Variants in CHD6 observed in about 807,000 individuals in gnomAD.
The protein encoded by CHD6 is ATP-dependent chromatin remodeler CHD6.
A neutral mutation model predicts 276.9 loss-of-function variants in CHD6; 50 were observed. That is an observed-to-expected ratio of 0.18 (90% CI 0.14 to 0.23). The LOEUF (loss-of-function observed/expected upper bound fraction) is 0.23, where lower values mean the gene tolerates loss of function less well. Among genes scored for constraint, CHD6 ranks in the 10% least tolerant of loss-of-function variants. The pLI is 1.00. For missense variants in CHD6, 2,564 were observed against 3,365.8 expected, an observed-to-expected ratio of 0.76 and a Z score of 5.89; for synonymous variants, 1,173 against 1,229.3, an observed-to-expected ratio of 0.95 and a Z score of 0.96.
chr20:41,514,375 G>C (rs1328431848), intron 4 of CHD6, among the ~76,000 whole-genome samples: 1 of 152,092 alleles, frequency 6.6e-6, no homozygotes, highest in African/African-American at 2.4e-5. Flanking sequence ...TCCAAGTTTG[G>C]CCAAACCTTC....
rs1024315774 is a variant in CHD6 at position 41,402,649 on chromosome 20, C to G, written c.*1944G>C. Reference sequence around the variant, plus strand: ...ATTTAGGGCAAATACATTTTTTTTTCTACTTGATAAAAAGAAAATTAGTAC... The same window carrying G: ...ATTTAGGGCAAATACATTTTTTTTTGTACTTGATAAAAAGAAAATTAGTAC... On this transcript the variant is annotated 3_prime_UTR_variant, in exon 37 of 37. Transcript: ENST00000373233. The G allele has an allele frequency of 4.6e-6, 1 of 218,680 alleles. No individual in the cohort carries two copies. Among genetic ancestry groups the G allele is most frequent in the African/African-American group, 2.3e-5 (1 of 44,334 alleles). 13.5% of individuals were successfully genotyped at this position (218,680 alleles called of 1,614,324 possible). A position where few individuals can be genotyped will look rare whatever the true frequency, so the allele number is the denominator to read the frequency against.
chr20:41,540,820 C>T (rs573767123), intron 2 of CHD6, among the ~76,000 whole-genome samples: 2 of 152,196 alleles, frequency 1.3e-5, no homozygotes, highest in East Asian at 1.9e-4. Context: ...AATTTGCAAC[C>T]TTCTATGTTT....
At chr20:41,540,918 T>C (rs2044929014) in intron 2 of CHD6, among the ~76,000 whole-genome samples, 1 of 152,138 alleles carries the variant, frequency 6.6e-6, no homozygotes, top group Non-Finnish European at 1.5e-5. Flanking sequence ...ACATTTCAGG[T>C]AGCTAAAGTT....
At chr20:41,407,397 A>G (rs1226189376) in intron 36 of CHD6, among the ~76,000 whole-genome samples, 1 of 152,206 alleles carries the variant, frequency 6.6e-6, no homozygotes, top group Non-Finnish European at 1.5e-5. Context: ...AATGACCAGA[A>G]AAACCCCACA....
chr20:41,453,035 A>G (rs1368461853), intron 20 of CHD6, 93 bp from the exon 21 acceptor site: 1 of 992,232 alleles, frequency 1.0e-6, no homozygotes, highest in African/African-American at 1.6e-5. Flanking sequence ...TTTGGGATAG[A>G]ACCATGCCCC....
intron 1 of CHD6, among the ~76,000 whole-genome samples, chr20:41,561,594 A>G (rs1462391672): frequency 6.6e-6 from 1 of 152,044 alleles, no homozygotes; most frequent in Non-Finnish European, 1.5e-5. Flanking sequence ...TCTCCTCTCT[A>G]GGTTTACACT....
chr20:41,428,250 G>A (rs1024112754), intron 27 of CHD6, among the ~76,000 whole-genome samples: 2 of 152,232 alleles, frequency 1.3e-5, no homozygotes, highest in Non-Finnish European at 2.9e-5. Flanking sequence ...AGAAATGACA[G>A]AATGAAGAAG....
chr20:41,445,775 A>G lies in CHD6; in HGVS notation c.3774-7T>C. 4 of 1,590,372 alleles carry G rather than the reference A, an allele frequency of 2.5e-6. No homozygotes were observed. Among genetic ancestry groups the G allele is most frequent in the Non-Finnish European group, 3.5e-6 (4 of 1,158,548 alleles). ...CAGAGGTACATCCAGCTCCCTAGGGAAGGAAGGGTGTAGACTCAAAACAAC... is the reference window on the plus strand; with the variant it reads ...CAGAGGTACATCCAGCTCCCTAGGGGAGGAAGGGTGTAGACTCAAAACAAC... On this transcript the variant is annotated splice_polypyrimidine_tract_variant and splice_region_variant and intron_variant, in intron 24 of 36. Transcript: ENST00000373233.
rs189021326 is a variant in CHD6, at chr20:41,578,092, A to G, written c.-23-26732T>C. Among the ~76,000 whole-genome samples the G allele has an allele frequency of 6.6e-5, 10 of 152,354 alleles. No homozygotes were observed. In the East Asian group the frequency reaches 1.9e-3, roughly 29 times the overall value. ...ATGACCTATATGGATTTCAGTCTTC[A>G]CCATGATTCATACTCCTCAACCAAA... On this transcript the variant is annotated intron_variant, in intron 1 of 36. Coordinates refer to ENST00000373233, the MANE Select transcript of CHD6 (RefSeq NM_032221.5).
chr20:41,451,138 T>A, intron 22 of CHD6, 33 bp from the exon 23 acceptor site: 1 of 1,599,286 alleles, frequency 6.3e-7, no homozygotes, highest in Non-Finnish European at 8.6e-7. Flanking sequence ...GGCAAGTGGA[T>A]AGCCAAGGGG....
intron 1 of CHD6, among the ~76,000 whole-genome samples, chr20:41,603,598 G>A (rs542686202): frequency 6.6e-6 from 1 of 152,252 alleles, no homozygotes; most frequent in East Asian, 1.9e-4. Context: ...GGGCACGGTG[G>A]CTCACGCCTG....
At chr20:41,562,183 C>A (rs2146187652) in intron 1 of CHD6, among the ~76,000 whole-genome samples, 1 of 150,226 alleles carries the variant, frequency 6.7e-6, no homozygotes, top group African/African-American at 2.4e-5. Context: ...CTTCTTTTTT[C>A]TTTATAGCTA....
At chr20:41,520,518 T>C (rs1294421124) in intron 3 of CHD6, among the ~76,000 whole-genome samples, 3 of 151,872 alleles carry the variant, frequency 2.0e-5, no homozygotes, top group Admixed American at 6.6e-5. Context: ...ATGTTCTTTG[T>C]AGGGACATGG....
chr20:41,415,461 A>G lies in CHD6; in HGVS notation c.6664T>C (p.Ser2222Pro). The change falls in exon 34 of 37, where the codon TCA (serine) becomes CCA (proline). Residue 2222 changes from serine (S) to proline (P), a missense_variant. Ser to Pro is a moderately conservative substitution (Grantham distance 74). Around this residue, in one of 7 missense-constraint regions of CHD6, gnomAD observed 1,024 missense variants for 1,047.9 expected, o/e 0.98. Transcript: ENST00000373233. ...HGESAMDLSC[S>P]SEGSPGATSP... Reference sequence around the variant, plus strand: ...GTGGCTCCTGGGGACCCCTCTGATGAGCAGGAGAGGTCCATAGCTGACTCC... The same window carrying G: ...GTGGCTCCTGGGGACCCCTCTGATGGGCAGGAGAGGTCCATAGCTGACTCC... 1 of 1,613,000 alleles carries G rather than the reference A, an allele frequency of 6.2e-7. No homozygotes were observed. The highest frequency in any genetic ancestry group is 8.5e-7 in the Non-Finnish European group (1 of 1,179,522).
At chr20:41,596,105 G>T (rs555364180) in intron 1 of CHD6, among the ~76,000 whole-genome samples, 1 of 152,010 alleles carries the variant, frequency 6.6e-6, no homozygotes, top group East Asian at 1.9e-4. Flanking sequence ...CCTGCCCTGC[G>T]GGCCCCGTCA....
intron 25 of CHD6, 46 bp from the exon 26 acceptor site, chr20:41,440,175 C>G (rs779172537): frequency 6.3e-7 from 1 of 1,583,508 alleles, no homozygotes; most frequent in African/African-American, 1.3e-5. Flanking sequence ...TTAGAACTCA[C>G]AATATTTGCT....
intron 1 of CHD6, among the ~76,000 whole-genome samples, chr20:41,555,361 G>A (rs1329565325): frequency 3.5e-5 from 5 of 144,752 alleles, no homozygotes; most frequent in African/African-American, 1.0e-4. Context: ...CGGGCGGGGG[G>A]CCGACCCCCC....
At position 41,457,163 on chromosome 20, in the gene CHD6, T is replaced by G. The variant is rs994264308; in HGVS notation, c.2829+101A>C. ...AATAATGATGTGAGGGCTGGCTCAA[T>G]GCAGCGAAAGTGAACCCTTAAACAG... On this transcript the variant is annotated intron_variant, in intron 18 of 36. Coordinates refer to ENST00000373233, the MANE Select transcript of CHD6 (RefSeq NM_032221.5). The G allele has an allele frequency of 5.1e-6, 7 of 1,362,078 alleles. No homozygotes were observed. The African/African-American group carries it at 8.6e-5, about 17-fold the overall frequency. The allele number at this position is 1,362,078 out of a possible 1,614,324, so 84.4% of individuals were successfully genotyped here. A position where few individuals can be genotyped will look rare whatever the true frequency, so the allele number is the denominator to read the frequency against.
intron 1 of CHD6, among the ~76,000 whole-genome samples, chr20:41,561,898 G>T (rs960567911): frequency 3.3e-5 from 5 of 152,114 alleles, no homozygotes; most frequent in Non-Finnish European, 4.4e-5. Context: ...TCAAAATGAT[G>T]TGCCTTGGGG....
Sources: gnomAD v4.1 joint callset for allele counts (sites outside exome capture counted in the v4.1 genomes callset) on GRCh38, gnomAD v4.1.1 for gene constraint, gnomAD v4.1.1 regional missense constraint, MANE v1.5 for transcripts, NCBI Gene and HGNC (gene_info 2026-07-23, HGNC 2026-07-21) for gene names.